The following PRSS23 variants were observed in gnomAD, a reference collection of about 807,000 sequenced individuals.
PRSS23 encodes serine protease 23.
PRSS23 carries 25 observed loss-of-function variants against 34.7 expected under a neutral mutation model. The ratio of observed to expected loss-of-function variants is 0.72; its 90% CI spans 0.53 to 1.01. The LOEUF (loss-of-function observed/expected upper bound fraction) is 1.01. Ranked by LOEUF, PRSS23 falls within the 50% of genes least tolerant of loss-of-function variation. PRSS23 has a pLI of 0.00. For missense variants in PRSS23, 445 were observed against 475.6 expected (o/e 0.94, Z 0.60); for synonymous variants, 176 against 186.6 (o/e 0.94, Z 0.46).
At chr11:86,898,634 T>C (rs997628811) in intron 2 of PRSS23, among the ~76,000 whole-genome samples, 1 of 152,214 alleles carries the variant, frequency 6.6e-6, no homozygotes, top group South Asian at 2.1e-4. Flanking sequence ...TTGGGACATA[T>C]GTCTTGTGAA....
chr11:86,821,473 C>A (rs1193566126), intron 1 of PRSS23: 4 of 1,609,488 alleles, frequency 2.5e-6, no homozygotes, highest in Non-Finnish European at 3.4e-6. Context: ...TAGCAGGACA[C>A]TCTTTCAGAG....
At chr11:86,828,507 A>G (rs1948322490) in intron 2 of PRSS23, among the ~76,000 whole-genome samples, 2 of 152,094 alleles carry the variant, frequency 1.3e-5, no homozygotes, top group African/African-American at 4.8e-5. Context: ...TAAAGTTAAT[A>G]TTGTTATGTG....
rs373274314 is a variant in PRSS23, at chr11:86,859,142, CT to C, written c.206+35550del. On this transcript the variant is annotated intron_variant, in intron 2 of 2. Transcript: ENST00000533902. ...TCCAAGGGGGAAGAGGATGATATTG[CT>C]CCCTATATCAGGGGAAGTGACACCC... Among the ~76,000 whole-genome samples the C allele has an allele frequency of 1.8e-4, 28 of 151,982 alleles. No homozygotes were observed. The South Asian group carries it at 5.6e-3, about 30-fold the overall frequency.
chr11:86,905,420 G>C (rs1188445880), intron 2 of PRSS23, among the ~76,000 whole-genome samples: 1 of 152,158 alleles, frequency 6.6e-6, no homozygotes, highest in Non-Finnish European at 1.5e-5. Context: ...TGATACTCTT[G>C]CTCTAGCCTC....
chr11:86,935,109 G>C (rs1400391141), intron 2 of PRSS23: 1 of 152,244 alleles, frequency 6.6e-6, no homozygotes, highest in Non-Finnish European at 1.5e-5. Context: ...AGGGCCCCCA[G>C]GCAATAACTA....
At position 86,833,246 on chromosome 11, in the gene PRSS23, C is replaced by T. The variant is rs929203859; in HGVS notation, c.206+9653C>T. On this transcript the variant is annotated intron_variant, in intron 2 of 2. Coordinates refer to the PRSS23 transcript ENST00000533902. The stretch of plus-strand genomic sequence containing the variant: ...TTGGGGACCGTGTTGGAGGTGAAAC[C>T]GATGTCAGCCAAGGACAGGTTGGAG... The T allele has an allele frequency of 1.3e-4, 203 of 1,573,760 alleles. 1 individual carries two copies. The highest frequency in any genetic ancestry group is 1.0e-3 in the South Asian group (92 of 90,334).
intron 1 of PRSS23, among the ~76,000 whole-genome samples, chr11:86,794,029 A>G (rs1484269318): frequency 6.6e-6 from 1 of 152,202 alleles, no homozygotes; most frequent in Non-Finnish European, 1.5e-5. Flanking sequence ...AGAATTTTCC[A>G]CAAAGTAAAG....
At chr11:86,881,289 G>A (rs922687567) in intron 2 of PRSS23, among the ~76,000 whole-genome samples, 8 of 150,360 alleles carry the variant, frequency 5.3e-5, no homozygotes, top group Non-Finnish European at 1.0e-4. Context: ...AATGGTGTTG[G>A]TGTTTGTCAA....
At chr11:86,952,616 C>T (rs1427259715) in exon 3 of PRSS23, 1 of 815,218 alleles carries the variant, frequency 1.2e-6, no homozygotes, top group Non-Finnish European at 2.0e-6. Flanking sequence ...TCTGTTTACT[C>T]TGACCTCAAA....
At chr11:86,941,938 C>G (rs1359904052) in intron 2 of PRSS23, among the ~76,000 whole-genome samples, 1 of 152,200 alleles carries the variant, frequency 6.6e-6, no homozygotes, top group African/African-American at 2.4e-5. Context: ...CTTCCTTACT[C>G]CATTTCTTCT....
At chr11:86,882,035 C>A (rs1417130912) in intron 2 of PRSS23, among the ~76,000 whole-genome samples, 1 of 152,130 alleles carries the variant, frequency 6.6e-6, no homozygotes, top group African/African-American at 2.4e-5. Context: ...TTTGGTTGAT[C>A]ATTTCAAAGA....
At chr11:86,875,749 G>A (rs868166851) in intron 2 of PRSS23, among the ~76,000 whole-genome samples, 8 of 152,340 alleles carry the variant, frequency 5.3e-5, no homozygotes, top group African/African-American at 1.7e-4. Context: ...GTCATTTGGT[G>A]TAAAGCTGCA....
chr11:86,831,222 G>T (rs1452764954), intron 2 of PRSS23, among the ~76,000 whole-genome samples: 1 of 151,990 alleles, frequency 6.6e-6, no homozygotes, highest in African/African-American at 2.4e-5. Context: ...TATCCTAAGG[G>T]AATATTACTC....
chr11:86,920,980 T>C (rs1413384463), intron 2 of PRSS23, among the ~76,000 whole-genome samples: 1 of 152,202 alleles, frequency 6.6e-6, no homozygotes, highest in Non-Finnish European at 1.5e-5. Context: ...GAATTCTTGT[T>C]TCTCTTGGCT....
chr11:86,830,309 A>G (rs1018904191), intron 2 of PRSS23, among the ~76,000 whole-genome samples: 4 of 152,182 alleles, frequency 2.6e-5, no homozygotes, highest in Admixed American at 1.3e-4. Context: ...TGCGGGATAT[A>G]ATCTCCTTGT....
chr11:86,873,220 A>ATG (rs1948697529), intron 2 of PRSS23, among the ~76,000 whole-genome samples: 1 of 101,298 alleles, frequency 9.9e-6, no homozygotes, highest in Admixed American at 1.1e-4. Flanking sequence ...ACACACAGAT[A>ATG]TATGTATATA....
At chr11:86,841,462 A>G (rs1948447818) in intron 2 of PRSS23, among the ~76,000 whole-genome samples, 1 of 152,098 alleles carries the variant, frequency 6.6e-6, no homozygotes, top group Non-Finnish European at 1.5e-5. Context: ...GAGATAAGAG[A>G]CACAAAAAAC....
intron 2 of PRSS23, among the ~76,000 whole-genome samples, chr11:86,845,627 A>C (rs1244035920): frequency 6.6e-6 from 1 of 152,168 alleles, no homozygotes. Flanking sequence ...ATCAGGACTT[A>C]CTTCAGTCCT....
Position 86,913,268 on chromosome 11 carries a change from C to G in PRSS23, c.207-37948C>G, listed in dbSNP as rs376574186. Among the ~76,000 whole-genome samples, 196 of 90,958 alleles carry G rather than the reference C, an allele frequency of 2.2e-3. 2 individuals carry two copies. The highest frequency in any genetic ancestry group is 6.8e-3 in the African/African-American group (188 of 27,644). 59.7% of individuals were successfully genotyped at this position (90,958 alleles called of 152,430 possible). On this transcript the variant is annotated intron_variant, in intron 2 of 2. Transcript: ENST00000533902. ...TGCTTAGTACTCACTGGGGTCTGCC[C>G]TCAGGCAAAAAAAAAAAAAAAAACC...
Sources: gnomAD v4.1 joint callset for allele counts (sites outside exome capture counted in the v4.1 genomes callset) on GRCh38, gnomAD v4.1.1 for gene constraint, MANE v1.5 for transcripts, NCBI Gene and HGNC (gene_info 2026-07-23, HGNC 2026-07-21) for gene names.